CDIN1: variants seen among roughly 807,000 people sequenced by gnomAD.
CDIN1 encodes CDAN1-interacting nuclease 1.
A neutral mutation model predicts 45.3 loss-of-function variants in CDIN1; 33 were observed. The ratio of observed to expected loss-of-function variants is 0.73; its 90% CI spans 0.55 to 0.97. The LOEUF (loss-of-function observed/expected upper bound fraction) is 0.97, where lower values mean the gene tolerates loss of function less well. Ranked by LOEUF, CDIN1 falls within the 50% of genes least tolerant of loss-of-function variation. The pLI is 0.00. For missense variants in CDIN1, 303 were observed against 339.4 expected (o/e 0.89, Z 0.84); for synonymous variants, 118 against 124.4 (o/e 0.95, Z 0.34).
At chr15:36,716,011 A>C (rs970205193) in intron 10 of CDIN1, among the ~76,000 whole-genome samples, 1 of 152,202 alleles carries the variant, frequency 6.6e-6, no homozygotes, top group African/African-American at 2.4e-5. Flanking sequence ...CAAAGTATAG[A>C]AATGTTATCT....
intron 8 of CDIN1, 91 bp from the exon 9 acceptor site, chr15:36,709,130 ATT>A (rs2042966646): frequency 1.9e-6 from 2 of 1,069,888 alleles, no homozygotes; most frequent in Admixed American, 5.7e-5. Flanking sequence ...TACAGTAGTA[ATT>A]TTTATACATA....
intron 1 of CDIN1, among the ~76,000 whole-genome samples, chr15:36,623,792 C>T (rs188398751): frequency 1.7e-4 from 26 of 152,334 alleles, no homozygotes; most frequent in Admixed American, 8.5e-4. Flanking sequence ...TTGTTTGCAA[C>T]TAAGCATCTT....
intron 10 of CDIN1, among the ~76,000 whole-genome samples, chr15:36,805,453 T>C (rs1159504775): frequency 6.6e-6 from 1 of 152,294 alleles, no homozygotes; most frequent in East Asian, 1.9e-4. Context: ...ACAAAGGTTG[T>C]ATTTGCCTTC....
At chr15:36,752,703 C>T (rs1342485334) in intron 10 of CDIN1, among the ~76,000 whole-genome samples, 4 of 152,022 alleles carry the variant, frequency 2.6e-5, no homozygotes, top group African/African-American at 9.7e-5. Context: ...TAGTAAGACT[C>T]GAAACATATA....
chr15:36,628,430 C>T (rs1566846685), intron 1 of CDIN1, among the ~76,000 whole-genome samples: 1 of 152,086 alleles, frequency 6.6e-6, no homozygotes, highest in Non-Finnish European at 1.5e-5. Flanking sequence ...ACAGTTTGTT[C>T]ATCCATTATT....
chr15:36,600,670 G>A (rs1173631231), intron 1 of CDIN1, among the ~76,000 whole-genome samples: 1 of 152,152 alleles, frequency 6.6e-6, no homozygotes, highest in African/African-American at 2.4e-5. Context: ...TTATGGCTTG[G>A]TTTAGTAGAA....
intron 10 of CDIN1, among the ~76,000 whole-genome samples, chr15:36,776,526 A>G (rs2054222240): frequency 6.6e-6 from 1 of 152,238 alleles, no homozygotes; most frequent in Admixed American, 6.5e-5. Context: ...GCTAAAAAAT[A>G]TTCTTCTTGG....
At chr15:36,628,493 G>C (rs764248866) in intron 1 of CDIN1, among the ~76,000 whole-genome samples, 11 of 152,142 alleles carry the variant, frequency 7.2e-5, no homozygotes, top group Non-Finnish European at 1.0e-4. Flanking sequence ...AAAAATTTGT[G>C]TGTAGGGCTT....
At chr15:36,581,440 T>C (rs986069855) in intron 1 of CDIN1, among the ~76,000 whole-genome samples, 3 of 152,252 alleles carry the variant, frequency 2.0e-5, no homozygotes, top group Non-Finnish European at 4.4e-5. Flanking sequence ...TATTCTCTTA[T>C]GCTCTTTTCT....
chr15:36,693,713 C>T (rs901244186), intron 7 of CDIN1, among the ~76,000 whole-genome samples: 4 of 152,194 alleles, frequency 2.6e-5, no homozygotes, highest in Non-Finnish European at 2.9e-5. Context: ...GAGATGCTTA[C>T]GGGAAACTAG....
intron 5 of CDIN1, among the ~76,000 whole-genome samples, chr15:36,683,370 C>T (rs2041923495): frequency 8.4e-6 from 1 of 119,130 alleles, no homozygotes; most frequent in African/African-American, 3.3e-5. Context: ...TCAGGTTTGT[C>T]AAAGATCAGA....
Position 36,777,817 on chromosome 15 carries a change from C to T in CDIN1, c.717-30507C>T, listed in dbSNP as rs2054258214. 2.0e-5 allele frequency among the ~76,000 whole-genome samples: 3 copies of T among 152,134 alleles called. No individual in the cohort carries two copies. The South Asian group carries it at 6.2e-4, about 32-fold the overall frequency. On this transcript the variant is annotated intron_variant, in intron 10 of 10. Transcript: ENST00000566621. ...GTAGAGATGGGGTTCTGCCATGTTG[C>T]ACAGGCTGGTCTCGAACTCCTGGGC...
chr15:36,670,165 C>T (rs1433852056), intron 5 of CDIN1, among the ~76,000 whole-genome samples: 3 of 151,966 alleles, frequency 2.0e-5, no homozygotes, highest in Non-Finnish European at 4.4e-5. Flanking sequence ...CACTAAACAA[C>T]TTTTATTTAG....
chr15:36,737,167 CAAAAAAA>C (rs965614774), intron 10 of CDIN1, among the ~76,000 whole-genome samples: 1 of 98,520 alleles, frequency 1.0e-5, no homozygotes, highest in Non-Finnish European at 2.1e-5. Flanking sequence ...GACCCGGTCT[CAAAAAAA>C]AAAAAAACAA....
intron 8 of CDIN1, chr15:36,705,268 A>G (rs929164426): frequency 1.3e-5 from 2 of 152,188 alleles, no homozygotes; most frequent in African/African-American, 4.8e-5. Context: ...AGTGCTAGAA[A>G]ACAAGATACT....
intron 1 of CDIN1, among the ~76,000 whole-genome samples, chr15:36,600,768 G>C (rs1235362828): frequency 2.0e-5 from 3 of 152,144 alleles, no homozygotes; most frequent in Non-Finnish European, 4.4e-5. Context: ...ATTTATACCA[G>C]GAGAACTAGT....
intron 1 of CDIN1, among the ~76,000 whole-genome samples, chr15:36,605,065 T>A (rs1277461755): frequency 6.6e-6 from 1 of 152,216 alleles, no homozygotes; most frequent in African/African-American, 2.4e-5. Flanking sequence ...TGTTTAATGA[T>A]GATTATATCA....
intron 5 of CDIN1, among the ~76,000 whole-genome samples, chr15:36,668,554 C>T (rs1052633369): frequency 1.3e-5 from 2 of 152,080 alleles, no homozygotes; most frequent in African/African-American, 2.4e-5. Context: ...AATGAACAAA[C>T]AAAAGCAATG....
intron 10 of CDIN1, among the ~76,000 whole-genome samples, chr15:36,777,224 G>C (rs1481774006): frequency 6.6e-6 from 1 of 152,002 alleles, no homozygotes; most frequent in Admixed American, 6.6e-5. Flanking sequence ...TGTTTTCAAC[G>C]TTGTGGCTAA....
Sources: gnomAD v4.1 joint callset for allele counts (sites outside exome capture counted in the v4.1 genomes callset) on GRCh38, gnomAD v4.1.1 for gene constraint, MANE v1.5 for transcripts, NCBI Gene and HGNC (gene_info 2026-07-23, HGNC 2026-07-21) for gene names.